CA12: variants seen among roughly 807,000 people sequenced by gnomAD.
The protein encoded by CA12 is carbonic anhydrase 12.
CA12 carries 36 observed loss-of-function variants against 46.8 expected under a neutral mutation model. That is an observed-to-expected ratio of 0.77 (90% CI 0.59 to 1.02). The LOEUF (loss-of-function observed/expected upper bound fraction) is 1.02. Ranked by LOEUF, CA12 falls within the 50% of genes least tolerant of loss-of-function variation. The pLI is 0.00. For synonymous variants in CA12, 202 were observed against 187.0 expected (o/e 1.08, Z -0.65); for missense variants, 436 against 451.4 (o/e 0.97, Z 0.31).
At chr15:63,380,383 A>G (rs1356377418) in intron 1 of CA12, among the ~76,000 whole-genome samples, 1 of 152,194 alleles carries the variant, frequency 6.6e-6, no homozygotes, top group Admixed American at 6.5e-5. Context: ...CCAGAGTGAG[A>G]GGAGCAACCA....
chr15:63,356,939 C>T (rs1485971686), intron 2 of CA12, among the ~76,000 whole-genome samples: 1 of 152,176 alleles, frequency 6.6e-6, no homozygotes, highest in East Asian at 1.9e-4. Context: ...AGTCAATTGT[C>T]CATCAACAGA....
intron 2 of CA12, among the ~76,000 whole-genome samples, chr15:63,370,392 G>A (rs2039487152): frequency 1.3e-5 from 2 of 149,206 alleles, no homozygotes; most frequent in Non-Finnish European, 3.0e-5. Context: ...AGGCTGCAGC[G>A]AGCAGTGATT....
chr15:63,324,105 A>G lies in CA12; in HGVS notation c.*2180T>C, dbSNP rs888437763. On this transcript the variant is annotated 3_prime_UTR_variant, in exon 11 of 11. Transcript: ENST00000178638. ...CAGTTCCAAAGCTGGACCCACAGGA[A>G]TCCTGTGAGGATTTGCAAAGACATT... 3 of 152,240 alleles carry G rather than the reference A, an allele frequency of 2.0e-5. No homozygotes were observed. Among genetic ancestry groups the G allele is most frequent in the African/African-American group, 7.2e-5 (3 of 41,460 alleles). The allele number at this position is 152,240 out of a possible 1,614,324, so 9.4% of individuals were successfully genotyped here. A position where few individuals can be genotyped will look rare whatever the true frequency, so the allele number is the denominator to read the frequency against.
chr15:63,335,160 G>A (rs927515931), intron 8 of CA12, among the ~76,000 whole-genome samples: 1 of 152,168 alleles, frequency 6.6e-6, no homozygotes, highest in African/African-American at 2.4e-5. Context: ...GGCATCTACT[G>A]GGTAGAGACC....
intron 2 of CA12, among the ~76,000 whole-genome samples, chr15:63,356,499 A>G (rs1001618376): frequency 1.2e-4 from 18 of 144,942 alleles, no homozygotes; most frequent in African/African-American, 4.2e-4. Context: ...AAACGTTAAG[A>G]TAGAATTACC....
At chr15:63,379,626 C>A (rs552565996) in intron 1 of CA12, among the ~76,000 whole-genome samples, 1 of 152,218 alleles carries the variant, frequency 6.6e-6, no homozygotes, top group Non-Finnish European at 1.5e-5. Flanking sequence ...CTGTTAGAAC[C>A]TGCAGACCCA....
In CA12 at chr15:63,346,738, TAG is replaced by T. The variant is rs751072468; in HGVS notation, c.107-31_107-30del. The T allele has an allele frequency of 8.7e-6, 14 of 1,611,656 alleles. 1 individual carries two copies. In the Middle Eastern group the frequency reaches 4.9e-4, roughly 57 times the overall value. On this transcript the variant is annotated intron_variant, in intron 2 of 10. Transcript: ENST00000178638. ...GACACAGAGATCCATGCTCAAGATT[TAG>T]AGTTTCTCACAAAGGGATTTTCCTT...
rs538578993 is a variant in CA12 at position 63,330,010 on chromosome 15, T to C, written c.875-1880A>G. Among the ~76,000 whole-genome samples the C allele has an allele frequency of 6.6e-6, 1 of 152,306 alleles. No homozygotes were observed. The highest frequency in any genetic ancestry group is 2.4e-5 in the African/African-American group (1 of 41,568). ...GGTGGCACCGGGCTGCTGTGAGGGT[T>C]AGCAGAGCAGGCAGGGAGAAGAGCT... On this transcript the variant is annotated intron_variant, in intron 8 of 10. Coordinates refer to ENST00000178638, the MANE Select transcript of CA12 (RefSeq NM_001218.5). This position sits in a 1 kb window ranked among gnomAD's most constrained non-coding sequence, Gnocchi z 4.0.
intron 8 of CA12, among the ~76,000 whole-genome samples, chr15:63,337,474 T>G (rs2039018077): frequency 6.6e-6 from 1 of 152,226 alleles, no homozygotes; most frequent in Non-Finnish European, 1.5e-5. Flanking sequence ...GGTTTTTTTT[T>G]GAGACGGAGT....
At position 63,348,577 on chromosome 15, in the gene CA12, G is replaced by A. The variant is rs1054192651; in HGVS notation, c.107-1868C>T. ...ATACTGCCTGGGCCCACAGCCAGCAGGGCGGAAGCTGCCAGCCAGGCATGA... is the reference window on the plus strand; with the variant it reads ...ATACTGCCTGGGCCCACAGCCAGCAAGGCGGAAGCTGCCAGCCAGGCATGA... On this transcript the variant is annotated intron_variant, in intron 2 of 10. Coordinates refer to ENST00000178638, the MANE Select transcript of CA12 (RefSeq NM_001218.5). The surrounding 1 kb of genome is among the most constrained non-coding windows in gnomAD (Gnocchi z 4.6). Among the ~76,000 whole-genome samples the A allele has an allele frequency of 6.6e-6, 1 of 152,234 alleles. No individual in the cohort carries two copies. The highest frequency in any genetic ancestry group is 1.5e-5 in the Non-Finnish European group (1 of 68,040).
At position 63,374,220 on chromosome 15, in the gene CA12, T is replaced by C. The variant is rs1268075398; in HGVS notation, c.106+1438A>G. ...GACCTTAGAGCCCGTGACTCCGCTA[T>C]CAACCCTTCTCCACATGCTTTCCTC... On this transcript the variant is annotated intron_variant, in intron 2 of 10. Transcript: ENST00000178638. The surrounding 1 kb of genome is among the most constrained non-coding windows in gnomAD (Gnocchi z 4.4). Among the ~76,000 whole-genome samples, 1 of 152,126 alleles carries C rather than the reference T, an allele frequency of 6.6e-6. No homozygotes were observed. The highest frequency in any genetic ancestry group is 2.4e-5 in the African/African-American group (1 of 41,406).
intron 2 of CA12, among the ~76,000 whole-genome samples, chr15:63,362,853 G>T (rs748675250): frequency 7.9e-5 from 12 of 152,146 alleles, no homozygotes; most frequent in Admixed American, 5.2e-4. Context: ...CTTCATCCTG[G>T]CTACTTCTGT....
chr15:63,352,643 G>A (rs941439180), intron 2 of CA12, among the ~76,000 whole-genome samples: 2 of 152,106 alleles, frequency 1.3e-5, no homozygotes, highest in African/African-American at 4.8e-5. Flanking sequence ...CATCTCTTTG[G>A]GCCGGCTACC....
intron 8 of CA12, among the ~76,000 whole-genome samples, chr15:63,335,241 T>C (rs1029480903): frequency 6.6e-6 from 1 of 152,144 alleles, no homozygotes; most frequent in East Asian, 1.9e-4. Context: ...AAGTTGTCAG[T>C]AGTGCTAAGG....
chr15:63,336,665 C>T (rs1301169978), intron 8 of CA12, among the ~76,000 whole-genome samples: 1 of 151,302 alleles, frequency 6.6e-6, no homozygotes, highest in Non-Finnish European at 1.5e-5. Context: ...ATTCTCCTGC[C>T]TCAGCTTCCT....
At position 63,339,848 on chromosome 15, in the gene CA12, G is replaced by T. The variant is rs572280971; in HGVS notation, c.747+440C>A. Among the ~76,000 whole-genome samples the T allele has an allele frequency of 1.3e-5, 2 of 152,150 alleles. No homozygotes were observed. ...CAAATAAGAAGCTTTAGAGGTGATG[G>T]CTAAGGATTTTGTTCCCCAGTTTGC... On this transcript the variant is annotated intron_variant, in intron 7 of 10. Transcript: ENST00000178638. The surrounding 1 kb of genome is among the most constrained non-coding windows in gnomAD (Gnocchi z 4.3).
At chr15:63,332,089 T>A (rs1216034370) in intron 8 of CA12, among the ~76,000 whole-genome samples, 5 of 152,210 alleles carry the variant, frequency 3.3e-5, no homozygotes, top group Admixed American at 3.3e-4. Flanking sequence ...AGAGTTTAGA[T>A]TTATCAGGGG....
intron 2 of CA12, chr15:63,375,437 C>T: frequency 1.9e-6 from 1 of 517,122 alleles, no homozygotes; most frequent in South Asian, 2.4e-5. Flanking sequence ...ACTCACAGTC[C>T]TGTGCCTGGA....
Position 63,374,215 on chromosome 15 carries a change from C to A in CA12, c.106+1443G>T, listed in dbSNP as rs555333225. 1.3e-5 allele frequency among the ~76,000 whole-genome samples: 2 copies of A among 152,128 alleles called. No individual in the cohort carries two copies. The highest frequency in any genetic ancestry group is 2.1e-4 in the South Asian group (1 of 4,826). ...TCTCTGACCTTAGAGCCCGTGACTC[C>A]GCTATCAACCCTTCTCCACATGCTT... On this transcript the variant is annotated intron_variant, in intron 2 of 10. Transcript: ENST00000178638. This position sits in a 1 kb window ranked among gnomAD's most constrained non-coding sequence, Gnocchi z 4.4.
Sources: allele counts gnomAD v4.1 joint callset (sites outside exome capture counted in the v4.1 genomes callset), GRCh38; gene constraint gnomAD v4.1.1; non-coding constraint Gnocchi (gnomAD v3.1); transcripts MANE v1.5; gene names NCBI Gene and HGNC (gene_info 2026-07-23, HGNC 2026-07-21).